Variants in BCAR3 observed in about 807,000 individuals in gnomAD.
The protein encoded by BCAR3 is breast cancer anti-estrogen resistance protein 3.
BCAR3 carries 37 observed loss-of-function variants against 80.1 expected under a neutral mutation model. That is an observed-to-expected ratio of 0.46 (90% CI 0.36 to 0.61). The LOEUF (loss-of-function observed/expected upper bound fraction) is 0.61. Among genes scored for constraint, BCAR3 ranks in the 20% least tolerant of loss-of-function variants. The probability of loss-of-function intolerance (pLI) is 0.00; values close to 1 mark genes in which losing one functional copy is unlikely to be tolerated. For synonymous variants in BCAR3, 389 were observed against 418.9 expected (o/e 0.93, Z 0.87); for missense variants, 978 against 1,068.2 (o/e 0.92, Z 1.18).
At chr1:93,671,017 G>C (rs1233783223) in intron 2 of BCAR3, among the ~76,000 whole-genome samples, 1 of 151,832 alleles carries the variant, frequency 6.6e-6, no homozygotes, top group Admixed American at 6.6e-5. Context: ...TTTTGAAATG[G>C]AGTCTCACTC....
intron 3 of BCAR3, chr1:93,614,230 C>A: frequency 9.3e-7 from 1 of 1,079,274 alleles, no homozygotes; most frequent in Non-Finnish European, 1.2e-6. Flanking sequence ...AATTCTAACC[C>A]CTCTTAGAAG....
intron 7 of BCAR3, among the ~76,000 whole-genome samples, chr1:93,579,912 G>C (rs1215333181): frequency 6.6e-6 from 1 of 152,224 alleles, no homozygotes; most frequent in Non-Finnish European, 1.5e-5. Flanking sequence ...CTCCCAAACA[G>C]GTTAAGCTCG....
intron 9 of BCAR3, among the ~76,000 whole-genome samples, chr1:93,571,129 A>T (rs1250887498): frequency 2.6e-5 from 4 of 151,806 alleles, no homozygotes; most frequent in Non-Finnish European, 5.9e-5. Context: ...GCTTGAACCC[A>T]GGAGACAGAG....
chr1:93,653,563 A>ATAT (rs1186888594), intron 2 of BCAR3, among the ~76,000 whole-genome samples: 1 of 152,240 alleles, frequency 6.6e-6, no homozygotes, highest in Non-Finnish European at 1.5e-5. Flanking sequence ...AGCATCTATA[A>ATAT]TATGCCATGC....
At chr1:93,693,748 C>G (rs970844028) in intron 3 of BCAR3, among the ~76,000 whole-genome samples, 1 of 152,176 alleles carries the variant, frequency 6.6e-6, no homozygotes, top group Non-Finnish European at 1.5e-5. Flanking sequence ...TCTGTAAACA[C>G]GGACTGCTGT....
intron 2 of BCAR3, among the ~76,000 whole-genome samples, chr1:93,673,259 T>C (rs970520013): frequency 6.6e-6 from 1 of 152,236 alleles, no homozygotes; most frequent in Non-Finnish European, 1.5e-5. Context: ...TGGGAAGATA[T>C]TGCTTCAGAT....
chr1:93,781,724 G>A (rs1341752650), intron 2 of BCAR3, among the ~76,000 whole-genome samples: 1 of 152,088 alleles, frequency 6.6e-6, no homozygotes, highest in African/African-American at 2.4e-5. Context: ...CATACATTTT[G>A]GGTTCTCAAA....
At chr1:93,755,785 G>A (rs561669623) in intron 2 of BCAR3, among the ~76,000 whole-genome samples, 2 of 152,340 alleles carry the variant, frequency 1.3e-5, no homozygotes, top group Admixed American at 1.3e-4. Flanking sequence ...GCGTGTGCAT[G>A]TGTGTGCGTG....
intron 2 of BCAR3, among the ~76,000 whole-genome samples, chr1:93,745,394 GAAT>G: frequency 6.6e-6 from 1 of 152,236 alleles, no homozygotes; most frequent in Non-Finnish European, 1.5e-5. Flanking sequence ...GTTGTTTCCA[GAAT>G]TGCTTTGTCA....
intron 4 of BCAR3, among the ~76,000 whole-genome samples, chr1:93,591,335 C>T (rs183426918): frequency 2.6e-5 from 4 of 152,050 alleles, no homozygotes; most frequent in African/African-American, 9.6e-5. Flanking sequence ...GTTAGCAGGG[C>T]ATGGTGGTGG....
At chr1:93,810,866 G>T (rs1653817960) in intron 2 of BCAR3, among the ~76,000 whole-genome samples, 2 of 152,148 alleles carry the variant, frequency 1.3e-5, no homozygotes, top group South Asian at 4.1e-4. Context: ...CATTCATTTG[G>T]TTCATTGGTT....
chr1:93,838,526 G>A (rs938980059), intron 2 of BCAR3, among the ~76,000 whole-genome samples: 3 of 152,158 alleles, frequency 2.0e-5, no homozygotes, highest in Non-Finnish European at 4.4e-5. Flanking sequence ...ATATCAACAT[G>A]CATTTTGGTG....
intron 3 of BCAR3, among the ~76,000 whole-genome samples, chr1:93,617,452 G>A (rs1447872737): frequency 6.6e-6 from 1 of 152,168 alleles, no homozygotes; most frequent in Non-Finnish European, 1.5e-5. Context: ...TTTGTCAAGC[G>A]GCCCCATGGA....
chr1:93,787,521 A>T (rs1002099723), intron 2 of BCAR3, among the ~76,000 whole-genome samples: 2 of 152,194 alleles, frequency 1.3e-5, no homozygotes, highest in African/African-American at 4.8e-5. Flanking sequence ...CACTAACATC[A>T]TTCAGCTCAA....
intron 2 of BCAR3, among the ~76,000 whole-genome samples, chr1:93,744,495 C>T (rs1651286579): frequency 6.6e-6 from 1 of 152,098 alleles, no homozygotes; most frequent in Admixed American, 6.5e-5. Context: ...TCTCTCAGTC[C>T]ACCAATCTGT....
intron 2 of BCAR3, among the ~76,000 whole-genome samples, chr1:93,749,124 C>T (rs1175340619): frequency 6.7e-6 from 1 of 149,728 alleles, no homozygotes; most frequent in African/African-American, 2.5e-5. Context: ...GTGTGTGGGC[C>T]CCCACACACA....
chr1:93,824,820 A>G (rs1176388201), intron 2 of BCAR3, among the ~76,000 whole-genome samples: 1 of 134,436 alleles, frequency 7.4e-6, no homozygotes, highest in Non-Finnish European at 1.7e-5. Context: ...TCATCAAAAA[A>G]TGCACTTAAT....
chr1:93,769,450 A>G (rs1267321161), intron 2 of BCAR3, among the ~76,000 whole-genome samples: 1 of 150,456 alleles, frequency 6.6e-6, no homozygotes. Context: ...AGAGAAATGC[A>G]ATGTGATGGA....
intron 9 of BCAR3, among the ~76,000 whole-genome samples, chr1:93,568,889 C>T (rs1237466875): frequency 6.6e-6 from 1 of 152,164 alleles, no homozygotes; most frequent in East Asian, 1.9e-4. Flanking sequence ...GTGGTGCGAT[C>T]ACAGCTCACT....
Sources: allele counts gnomAD v4.1 joint callset (sites outside exome capture counted in the v4.1 genomes callset), GRCh38; gene constraint gnomAD v4.1.1; transcripts MANE v1.5; gene names NCBI Gene and HGNC (gene_info 2026-07-23, HGNC 2026-07-21).